GPR158: variants seen among roughly 807,000 people sequenced by gnomAD.
GPR158 encodes metabotropic glycine receptor.
In GPR158, 30 loss-of-function variants were observed where a neutral mutation model predicts 78.2. The ratio of observed to expected loss-of-function variants is 0.38; its 90% CI spans 0.29 to 0.52. GPR158 has a LOEUF of 0.52. Ranked by LOEUF, GPR158 falls within the 20% of genes least tolerant of loss-of-function variation. The pLI is 0.83. For missense variants in GPR158, 1,463 were observed against 1,523.5 expected (o/e 0.96, Z 0.66); for synonymous variants, 581 against 591.1 (o/e 0.98, Z 0.25).
rs1313760473 is a variant in GPR158 at position 25,430,125 on chromosome 10, C to G, written c.1335+17652C>G. The stretch of plus-strand genomic sequence containing the variant: ...ATCTAGAAAACCCCACTGTCTCAGC[C>G]CAAAATCTCCTTAAGCTGATAAGCA... On this transcript the variant is annotated intron_variant, in intron 4 of 10. Coordinates refer to ENST00000376351, the MANE Select transcript of GPR158 (RefSeq NM_020752.3). 2.6e-5 allele frequency among the ~76,000 whole-genome samples: 4 copies of G among 151,570 alleles called. No homozygotes were observed. The East Asian group carries it at 7.8e-4, about 29-fold the overall frequency.
chr10:25,345,354 C>T (rs897016879), intron 2 of GPR158, among the ~76,000 whole-genome samples: 1 of 151,918 alleles, frequency 6.6e-6, no homozygotes, highest in African/African-American at 2.4e-5. Context: ...CAAAAGTTAA[C>T]AGTCTTTGCA....
chr10:25,238,997 A>C (rs1187536447), intron 2 of GPR158, among the ~76,000 whole-genome samples: 2 of 152,202 alleles, frequency 1.3e-5, no homozygotes, highest in African/African-American at 4.8e-5. Flanking sequence ...CATACATTAT[A>C]ATTCAGAACT....
At chr10:25,389,537 C>T (rs1430247282) in intron 2 of GPR158, among the ~76,000 whole-genome samples, 1 of 152,150 alleles carries the variant, frequency 6.6e-6, no homozygotes, top group Non-Finnish European at 1.5e-5. Context: ...CAATAAAACT[C>T]CTCTTTATCT....
At chr10:25,466,801 CACACAT>C (rs753331536) in intron 5 of GPR158, 82 bp downstream of exon 5, 13,303 of 524,178 alleles carry the variant, frequency 0.025, 24 homozygotes, top group East Asian at 0.1. Context: ...CACACACACA[CACACAT>C]ACACACACCC....
chr10:25,433,690 CTTTCT>C (rs1340736626), intron 4 of GPR158, among the ~76,000 whole-genome samples: 5 of 93,260 alleles, frequency 5.4e-5, no homozygotes, highest in African/African-American at 1.1e-4. Context: ...TTCTTTCTTT[CTTTCT>C]TTTTTTTTTT....
At chr10:25,585,838 G>A (rs1026846495) in intron 7 of GPR158, among the ~76,000 whole-genome samples, 1 of 152,094 alleles carries the variant, frequency 6.6e-6, no homozygotes, top group Non-Finnish European at 1.5e-5. Flanking sequence ...AATTAACCAG[G>A]CATGGTGGCT....
chr10:25,486,055 T>C (rs746653849), intron 5 of GPR158, among the ~76,000 whole-genome samples: 1 of 152,166 alleles, frequency 6.6e-6, no homozygotes, highest in Non-Finnish European at 1.5e-5. Flanking sequence ...ACCAAATCTA[T>C]GGATCCCTTG....
intron 2 of GPR158, among the ~76,000 whole-genome samples, chr10:25,240,494 A>G (rs1853588971): frequency 6.6e-6 from 1 of 152,190 alleles, no homozygotes. Context: ...CAGAGACTCC[A>G]TCTCAAAGAG....
At chr10:25,333,053 T>G (rs1855148997) in intron 2 of GPR158, among the ~76,000 whole-genome samples, 3 of 152,110 alleles carry the variant, frequency 2.0e-5, no homozygotes, top group South Asian at 2.1e-4. Flanking sequence ...AAATTTCACT[T>G]TCTTGGGATT....
chr10:25,582,848 T>A (rs1837221054), intron 7 of GPR158, among the ~76,000 whole-genome samples: 1 of 152,210 alleles, frequency 6.6e-6, no homozygotes, highest in African/African-American at 2.4e-5. Context: ...GGACAAAAAT[T>A]ACTTCTGAGG....
intron 4 of GPR158, among the ~76,000 whole-genome samples, chr10:25,416,734 G>A (rs1050004314): frequency 2.0e-5 from 3 of 152,078 alleles, no homozygotes; most frequent in African/African-American, 4.8e-5. Context: ...TCATTTTATC[G>A]ATAAGAAAAT....
At chr10:25,568,626 C>T (rs530220105) in intron 6 of GPR158, among the ~76,000 whole-genome samples, 2 of 152,206 alleles carry the variant, frequency 1.3e-5, no homozygotes, top group African/African-American at 4.8e-5. Context: ...AGCTATATAG[C>T]TTGAACCAGA....
chr10:25,331,574 G>T (rs1855123099), intron 2 of GPR158, among the ~76,000 whole-genome samples: 1 of 152,182 alleles, frequency 6.6e-6, no homozygotes, highest in African/African-American at 2.4e-5. Flanking sequence ...ACTCCAGGAG[G>T]TGTGATAGCA....
intron 4 of GPR158, among the ~76,000 whole-genome samples, chr10:25,462,207 T>C (rs1022199030): frequency 6.6e-6 from 1 of 152,206 alleles, no homozygotes; most frequent in Non-Finnish European, 1.5e-5. Context: ...CTAAACCAAC[T>C]CTGCCTGTGC....
intron 6 of GPR158, among the ~76,000 whole-genome samples, chr10:25,564,592 C>T (rs1414041): frequency 0.55 from 83,609 of 151,950 alleles, 24,856 homozygotes; most frequent in African/African-American, 0.78. Flanking sequence ...ACCAACCAGG[C>T]CAAAATAAAC....
chr10:25,328,667 C>G lies in GPR158; in HGVS notation c.1009-67244C>G, dbSNP rs1032900238. 2.9e-4 allele frequency among the ~76,000 whole-genome samples: 44 copies of G among 152,090 alleles called. 1 individual carries two copies. The East Asian group carries it at 6.2e-3, about 21-fold the overall frequency. ...ATTGGCCGGGCGTGGTACCTCATGC[C>G]TGTAATCCCAGCACTTTGGAAGGCC... On this transcript the variant is annotated intron_variant, in intron 2 of 10. Coordinates refer to ENST00000376351, the MANE Select transcript of GPR158 (RefSeq NM_020752.3).
intron 6 of GPR158, among the ~76,000 whole-genome samples, chr10:25,570,639 C>T (rs1048848971): frequency 7.9e-5 from 12 of 152,104 alleles, no homozygotes; most frequent in African/African-American, 2.7e-4. Flanking sequence ...TGCGTGGGCA[C>T]GGTGGCTCTC....
intron 3 of GPR158, among the ~76,000 whole-genome samples, chr10:25,408,523 C>G (rs1834544727): frequency 6.6e-6 from 1 of 152,182 alleles, no homozygotes; most frequent in Non-Finnish European, 1.5e-5. Flanking sequence ...CTACAGTGCT[C>G]TATGACTTTT....
chr10:25,255,829 C>T (rs1462931901), intron 2 of GPR158, among the ~76,000 whole-genome samples: 6 of 152,182 alleles, frequency 3.9e-5, no homozygotes, highest in Admixed American at 3.9e-4. Flanking sequence ...ATTACATCCA[C>T]AACATTCCTT....
Sources: allele counts gnomAD v4.1 joint callset (sites outside exome capture counted in the v4.1 genomes callset), GRCh38; gene constraint gnomAD v4.1.1; transcripts MANE v1.5; gene names NCBI Gene and HGNC (gene_info 2026-07-23, HGNC 2026-07-21).